Variants in CDH12 observed in about 807,000 individuals in gnomAD.
The protein encoded by CDH12 is cadherin 12, also known as cadherin-12.
In CDH12, 41 loss-of-function variants were observed where a neutral mutation model predicts 74.1. The ratio of observed to expected loss-of-function variants is 0.55; its 90% CI spans 0.43 to 0.72. The LOEUF is 0.72. CDH12 is among the 30% of genes least tolerant of loss of function. The pLI, the probability that CDH12 is intolerant of heterozygous loss-of-function variation, is 0.00. For missense variants in CDH12, 945 were observed against 977.2 expected (o/e 0.97, Z 0.44); for synonymous variants, 399 against 355.0 (o/e 1.12, Z -1.39).
chr5:22,265,395 T>G (rs1442479167), intron 3 of CDH12, among the ~76,000 whole-genome samples: 5 of 152,186 alleles, frequency 3.3e-5, no homozygotes, highest in African/African-American at 1.2e-4. Flanking sequence ...TTGTTATATT[T>G]TAACAAGCTA....
At position 22,479,081 on chromosome 5, in the gene CDH12, T is replaced by G. The variant is rs186320627; in HGVS notation, c.-428+26189A>C. 1.9e-4 allele frequency among the ~76,000 whole-genome samples: 29 copies of G among 152,322 alleles called. 1 individual carries two copies. The East Asian group carries it at 5.6e-3, about 29-fold the overall frequency. On this transcript the variant is annotated intron_variant, in intron 2 of 14. Coordinates refer to ENST00000382254, the MANE Select transcript of CDH12 (RefSeq NM_004061.5). ...AGAAAAGCAACGGTTTGCAATAGAT[T>G]CATATTTCAGATATCAGGGCCTACA...
At chr5:22,631,064 G>GA (rs1738559910) in intron 1 of CDH12, among the ~76,000 whole-genome samples, 1 of 152,058 alleles carries the variant, frequency 6.6e-6, no homozygotes, top group African/African-American at 2.4e-5. Flanking sequence ...TTAGAGAAAT[G>GA]AAAATCAAAA....
At position 22,637,847 on chromosome 5, in the gene CDH12, T is replaced by C. The variant is rs142147479; in HGVS notation, c.-522-132483A>G. ...ATAAGTTAGTAATGTCTACTTATAGTAGAGATTCTGTATAGTACAACTTCT... is the reference window on the plus strand; with the variant it reads ...ATAAGTTAGTAATGTCTACTTATAGCAGAGATTCTGTATAGTACAACTTCT... On this transcript the variant is annotated intron_variant, in intron 1 of 14. Coordinates refer to ENST00000382254, the MANE Select transcript of CDH12 (RefSeq NM_004061.5). Among the ~76,000 whole-genome samples the C allele has an allele frequency of 3.4e-3, 524 of 152,350 alleles. 4 individuals are homozygous for C. The highest frequency in any genetic ancestry group is 0.012 in the African/African-American group (499 of 41,580).
chr5:22,521,735 T>C (rs1009214336), intron 1 of CDH12, among the ~76,000 whole-genome samples: 1 of 152,206 alleles, frequency 6.6e-6, no homozygotes, highest in Admixed American at 6.5e-5. Flanking sequence ...AAAGCAGCCA[T>C]ATTTGCCAGT....
In CDH12 at chr5:22,624,241, G is replaced by A. The variant is rs949851257; in HGVS notation, c.-522-118877C>T. On this transcript the variant is annotated intron_variant, in intron 1 of 14. Coordinates refer to ENST00000382254, the MANE Select transcript of CDH12 (RefSeq NM_004061.5). ...AAACCTAGGCAATACCATTCAGGACGTAGGCATGGGCAAGTATTTCATGTC... is the reference window on the plus strand; with the variant it reads ...AAACCTAGGCAATACCATTCAGGACATAGGCATGGGCAAGTATTTCATGTC... 6.8e-4 allele frequency among the ~76,000 whole-genome samples: 104 copies of A among 152,204 alleles called. 2 individuals are homozygous for A. The highest frequency in any genetic ancestry group is 1.0e-3 in the African/African-American group (42 of 41,546).
At position 22,698,727 on chromosome 5, in the gene CDH12, ATATATATAGTGTGTGTGT is replaced by A. The variant is rs1742545485; in HGVS notation, c.-523+154313_-523+154330del. ...TATATATATATATATATATATATAT[ATATATATAGTGTGTGTGT>A]GTGTGTGTGTGTGTGTGTGTGTGTG... On this transcript the variant is annotated intron_variant, in intron 1 of 14. Coordinates refer to ENST00000382254, the MANE Select transcript of CDH12 (RefSeq NM_004061.5). Among the ~76,000 whole-genome samples the A allele has an allele frequency of 1.2e-3, 11 of 9,136 alleles. 1 individual carries two copies. Among genetic ancestry groups the A allele is most frequent in the East Asian group, 6.0e-3 (1 of 166 alleles). 6.0% of individuals were successfully genotyped at this position (9,136 alleles called of 152,430 possible).
At chr5:22,087,231 T>C (rs1743125046) in intron 4 of CDH12, among the ~76,000 whole-genome samples, 1 of 152,122 alleles carries the variant, frequency 6.6e-6, no homozygotes, top group Non-Finnish European at 1.5e-5. Flanking sequence ...AAGTATACTA[T>C]CCTAATATAA....
chr5:22,006,474 A>G lies in CDH12; in HGVS notation c.232-31089T>C, dbSNP rs539854007. 4.6e-3 allele frequency among the ~76,000 whole-genome samples: 697 copies of G among 152,008 alleles called. 9 individuals are homozygous for G. Among genetic ancestry groups the G allele is most frequent in the African/African-American group, 0.016 (669 of 41,458 alleles). ...TTCAGTCTCTACCCAGATGTCTCAA[A>G]ACTTTATGTCTATAAATGTGTAAAT... On this transcript the variant is annotated intron_variant, in intron 5 of 14. Transcript: ENST00000382254.
chr5:22,355,687 C>T (rs1740537880), intron 3 of CDH12, among the ~76,000 whole-genome samples: 1 of 152,032 alleles, frequency 6.6e-6, no homozygotes, highest in Non-Finnish European at 1.5e-5. Context: ...TTCAGATCAT[C>T]ACTCAGTATC....
At chr5:21,834,794 G>A (rs1453971086) in intron 8 of CDH12, among the ~76,000 whole-genome samples, 2 of 151,812 alleles carry the variant, frequency 1.3e-5, no homozygotes, top group African/African-American at 4.8e-5. Context: ...CATTAACCTT[G>A]CTGATCAAAT....
chr5:22,069,715 T>C (rs1741811720), intron 5 of CDH12, among the ~76,000 whole-genome samples: 1 of 152,126 alleles, frequency 6.6e-6, no homozygotes, highest in Non-Finnish European at 1.5e-5. Flanking sequence ...GGGTGATTCA[T>C]CTTGAGTGCC....
At chr5:21,792,935 A>G (rs1746585528) in intron 10 of CDH12, among the ~76,000 whole-genome samples, 1 of 151,804 alleles carries the variant, frequency 6.6e-6, no homozygotes, top group South Asian at 2.1e-4. Context: ...TAAAAAATGC[A>G]GACTGTAATA....
intron 3 of CDH12, among the ~76,000 whole-genome samples, chr5:22,390,728 C>A (rs1204532260): frequency 6.6e-6 from 1 of 152,132 alleles, no homozygotes; most frequent in East Asian, 1.9e-4. Flanking sequence ...GTGGGAAAGA[C>A]AAAATTGTGG....
At chr5:22,587,497 C>T (rs1383664127) in intron 1 of CDH12, among the ~76,000 whole-genome samples, 3 of 152,138 alleles carry the variant, frequency 2.0e-5, no homozygotes, top group Non-Finnish European at 4.4e-5. Context: ...CTGTGTCACT[C>T]GGATGAAGGC....
At chr5:21,965,949 A>T (rs1260657453) in intron 6 of CDH12, among the ~76,000 whole-genome samples, 2 of 152,230 alleles carry the variant, frequency 1.3e-5, no homozygotes, top group African/African-American at 4.8e-5. Context: ...AGAAATTTTT[A>T]AAAATTCACA....
At chr5:21,918,893 T>C (rs1754227416) in intron 6 of CDH12, among the ~76,000 whole-genome samples, 1 of 152,188 alleles carries the variant, frequency 6.6e-6, no homozygotes, top group Non-Finnish European at 1.5e-5. Context: ...TATTTCCTTA[T>C]TATCAATATC....
At chr5:22,348,532 C>A (rs1740221449) in intron 3 of CDH12, among the ~76,000 whole-genome samples, 1 of 152,126 alleles carries the variant, frequency 6.6e-6, no homozygotes, top group Non-Finnish European at 1.5e-5. Flanking sequence ...CTGGAAAAAT[C>A]AGATGATTGT....
At chr5:22,114,494 G>A (rs1310353662) in intron 4 of CDH12, among the ~76,000 whole-genome samples, 1 of 152,056 alleles carries the variant, frequency 6.6e-6, no homozygotes, top group East Asian at 1.9e-4. Context: ...TAAAGAAAAT[G>A]AGTATAAAGG....
intron 1 of CDH12, among the ~76,000 whole-genome samples, chr5:22,782,059 A>ACCCCAC (rs1747410395): frequency 6.6e-6 from 1 of 152,098 alleles, no homozygotes; most frequent in South Asian, 2.1e-4. Flanking sequence ...TGTATTGTTG[A>ACCCCAC]ATTAACTAAC....
Sources: allele counts gnomAD v4.1 joint callset (sites outside exome capture counted in the v4.1 genomes callset), GRCh38; gene constraint gnomAD v4.1.1; transcripts MANE v1.5; gene names NCBI Gene and HGNC (gene_info 2026-07-23, HGNC 2026-07-21).